Variants in GLI2 observed in about 807,000 individuals in gnomAD.
The protein encoded by GLI2 is transcription activator GLI2.
In GLI2, 22 loss-of-function variants were observed where a neutral mutation model predicts 78.9. The observed-to-expected ratio is 0.28, with a 90% CI of 0.20 to 0.40. The LOEUF (loss-of-function observed/expected upper bound fraction) is 0.40, where lower values mean the gene tolerates loss of function less well. Among genes scored for constraint, GLI2 ranks in the 10% least tolerant of loss-of-function variants. The pLI is 1.00. For missense variants in GLI2, 2,097 were observed against 2,213.2 expected, an observed-to-expected ratio of 0.95 and a Z score of 1.05; for synonymous variants, 974 against 963.7, an observed-to-expected ratio of 1.01 and a Z score of -0.20.
At chr2:120,815,341 C>T (rs1685442728) in intron 2 of GLI2, among the ~76,000 whole-genome samples, 1 of 152,154 alleles carries the variant, frequency 6.6e-6, no homozygotes, top group Non-Finnish European at 1.5e-5. Context: ...CGCCACAACC[C>T]ATCTGTAACA....
intron 1 of GLI2, among the ~76,000 whole-genome samples, chr2:120,795,298 G>A (rs1035422619): frequency 6.6e-6 from 1 of 152,036 alleles, no homozygotes; most frequent in African/African-American, 2.4e-5. Context: ...AAGGCAGGTG[G>A]ATCACTTGAG....
chr2:120,807,312 G>A (rs142409151), intron 2 of GLI2, among the ~76,000 whole-genome samples: 288 of 152,240 alleles, frequency 1.9e-3, no homozygotes, highest in Non-Finnish European at 3.1e-3. Flanking sequence ...CATTTTAAAC[G>A]CAGGCCAAAA....
chr2:120,876,187 A>G (rs1025301585), intron 2 of GLI2, among the ~76,000 whole-genome samples: 1 of 152,110 alleles, frequency 6.6e-6, no homozygotes, highest in Non-Finnish European at 1.5e-5. Flanking sequence ...TAAAAATACA[A>G]AAAACTTAGC....
intron 1 of GLI2, among the ~76,000 whole-genome samples, chr2:120,738,678 A>G (rs1406958048): frequency 6.6e-6 from 1 of 152,212 alleles, no homozygotes; most frequent in Non-Finnish European, 1.5e-5. Flanking sequence ...TTAGAATTAT[A>G]GGTAGAAAGA....
intron 2 of GLI2, among the ~76,000 whole-genome samples, chr2:120,878,496 T>A (rs1688872281): frequency 6.6e-6 from 1 of 152,140 alleles, no homozygotes; most frequent in Non-Finnish European, 1.5e-5. Flanking sequence ...TCCACTGAAA[T>A]ATTTATGAAG....
At chr2:120,849,215 G>C (rs1446913456) in intron 2 of GLI2, among the ~76,000 whole-genome samples, 1 of 152,218 alleles carries the variant, frequency 6.6e-6, no homozygotes, top group Non-Finnish European at 1.5e-5. Context: ...AATGTGCACA[G>C]AGTTTCAGTT....
At chr2:120,921,537 T>C (rs1449817134) in intron 2 of GLI2, among the ~76,000 whole-genome samples, 1 of 152,068 alleles carries the variant, frequency 6.6e-6, no homozygotes, top group Non-Finnish European at 1.5e-5. Flanking sequence ...AATGTGCCAG[T>C]AGGAAGGGAC....
intron 2 of GLI2, among the ~76,000 whole-genome samples, chr2:120,818,059 T>C (rs1013894669): frequency 2.6e-5 from 4 of 152,322 alleles, no homozygotes; most frequent in Admixed American, 2.6e-4. Flanking sequence ...CCTGTGCTTT[T>C]CCAGGGCCCT....
chr2:120,984,146 C>T (rs1262121327), intron 11 of GLI2, among the ~76,000 whole-genome samples: 1 of 152,134 alleles, frequency 6.6e-6, no homozygotes, highest in Non-Finnish European at 1.5e-5. Context: ...ACACTTGCTA[C>T]TAGTACTAAA....
rs1681195070 is a variant in GLI2, at chr2:120,955,242, C to T, written c.458-3C>T. 2.6e-6 allele frequency: 4 copies of T among 1,566,040 alleles called. No homozygotes were observed. Among genetic ancestry groups the T allele is most frequent in the Admixed American group, 3.5e-5 (2 of 57,486 alleles). Reference sequence around the variant, plus strand: ...GGCTTCTTTCTCTCCCCTCTGCCCACAGTGGCCCAGGAGCACCTTAAGGAG... The same window carrying T: ...GGCTTCTTTCTCTCCCCTCTGCCCATAGTGGCCCAGGAGCACCTTAAGGAG... On this transcript the variant is annotated splice_polypyrimidine_tract_variant and splice_region_variant and intron_variant, in intron 4 of 13. Transcript: ENST00000361492.
In GLI2 at chr2:120,879,765, A is replaced by G. The variant is rs117565978; in HGVS notation, c.149-47596A>G. Among the ~76,000 whole-genome samples the G allele has an allele frequency of 2.4e-3, 359 of 152,320 alleles. 17 individuals carry two copies. The East Asian group carries it at 0.063, about 27-fold the overall frequency. On this transcript the variant is annotated intron_variant, in intron 2 of 13. Transcript: ENST00000361492. ...TTGTGGACGAAAAGCAGTAGATTCCAATTGAGTGTGTTAAACTCTGCACGC... is the reference window on the plus strand; with the variant it reads ...TTGTGGACGAAAAGCAGTAGATTCCGATTGAGTGTGTTAAACTCTGCACGC...
intron 2 of GLI2, among the ~76,000 whole-genome samples, chr2:120,885,203 G>A (rs1462658513): frequency 2.0e-5 from 3 of 152,208 alleles, no homozygotes; most frequent in African/African-American, 7.2e-5. Flanking sequence ...CCTAGAGGGT[G>A]AACCTTTCTC....
At chr2:120,791,338 C>G (rs550765410) in intron 1 of GLI2, among the ~76,000 whole-genome samples, 1 of 152,178 alleles carries the variant, frequency 6.6e-6, no homozygotes, top group Admixed American at 6.5e-5. Flanking sequence ...CATTGTGGCA[C>G]TGGACTGGTG....
At chr2:120,896,092 A>G (rs889748598) in intron 2 of GLI2, among the ~76,000 whole-genome samples, 10 of 152,162 alleles carry the variant, frequency 6.6e-5, no homozygotes, top group African/African-American at 2.4e-4. Flanking sequence ...CAACAGTTAG[A>G]ACTGTCATAG....
chr2:120,765,280 C>T (rs926309803), intron 1 of GLI2, among the ~76,000 whole-genome samples: 2 of 152,244 alleles, frequency 1.3e-5, no homozygotes, highest in Admixed American at 6.5e-5. Flanking sequence ...AGAGGGCAGA[C>T]GGGCCGCCTG....
intron 3 of GLI2, among the ~76,000 whole-genome samples, chr2:120,938,772 A>T (rs1274583084): frequency 2.6e-5 from 4 of 152,136 alleles, no homozygotes; most frequent in Non-Finnish European, 5.9e-5. Context: ...GGGCCCATGG[A>T]GTGATCATGT....
At chr2:120,773,485 G>A (rs899566149) in intron 1 of GLI2, among the ~76,000 whole-genome samples, 3 of 152,224 alleles carry the variant, frequency 2.0e-5, no homozygotes, top group East Asian at 1.9e-4. Flanking sequence ...ACGTGCTGAT[G>A]TTGGCCTTGT....
At chr2:120,770,215 G>C (rs1424938938) in intron 1 of GLI2, among the ~76,000 whole-genome samples, 4 of 152,170 alleles carry the variant, frequency 2.6e-5, no homozygotes, top group African/African-American at 9.7e-5. Flanking sequence ...CACATCCACT[G>C]TTCTCCCTGA....
intron 3 of GLI2, among the ~76,000 whole-genome samples, chr2:120,941,325 G>T (rs866833845): frequency 6.6e-6 from 1 of 152,218 alleles, no homozygotes; most frequent in African/African-American, 2.4e-5. Context: ...TAAAACAAAT[G>T]TATGGGAAAC....
Sources: allele counts gnomAD v4.1 joint callset (sites outside exome capture counted in the v4.1 genomes callset), GRCh38; gene constraint gnomAD v4.1.1; transcripts MANE v1.5; gene names NCBI Gene and HGNC (gene_info 2026-07-23, HGNC 2026-07-21).